DCC: variants seen among roughly 807,000 people sequenced by gnomAD.
DCC encodes the protein netrin receptor DCC.
DCC carries 58 observed loss-of-function variants against 172.5 expected under a neutral mutation model. The observed-to-expected ratio is 0.34, with a 90% confidence interval of 0.27 to 0.42. The LOEUF (loss-of-function observed/expected upper bound fraction) is 0.42. DCC is among the 10% of genes least tolerant of loss of function. DCC has a pLI of 1.00. For synonymous variants in DCC, 709 were observed against 644.5 expected, an observed-to-expected ratio of 1.10 and a Z score of -1.52; for missense variants, 1,740 against 1,791.0, an observed-to-expected ratio of 0.97 and a Z score of 0.51.
chr18:53,421,822 C>G (rs1427071458), intron 21 of DCC, among the ~76,000 whole-genome samples: 1 of 152,178 alleles, frequency 6.6e-6, no homozygotes, highest in Non-Finnish European at 1.5e-5. Flanking sequence ...AGAATAAAAA[C>G]TCAGGCATAA....
chr18:53,021,270 C>A (rs7504750), intron 5 of DCC, among the ~76,000 whole-genome samples: 110,253 of 152,024 alleles, frequency 0.73, 40,125 homozygotes, highest in Non-Finnish European at 0.74. Context: ...CCTCTGAAAT[C>A]TGTGTGGTTT....
intron 1 of DCC, among the ~76,000 whole-genome samples, chr18:52,515,296 C>CA (rs1238316420): frequency 5.9e-5 from 9 of 151,834 alleles, no homozygotes; most frequent in African/African-American, 1.9e-4. Context: ...ATACCTTATA[C>CA]AAAAATGAAC....
chr18:53,284,154 A>G (rs1348018929), intron 12 of DCC, among the ~76,000 whole-genome samples: 2 of 152,172 alleles, frequency 1.3e-5, no homozygotes, highest in Non-Finnish European at 2.9e-5. Context: ...TACCCTGTAC[A>G]GGCTTAGACC....
intron 5 of DCC, among the ~76,000 whole-genome samples, chr18:53,002,666 A>G (rs1241717468): frequency 7.0e-6 from 1 of 142,158 alleles, no homozygotes; most frequent in Non-Finnish European, 1.6e-5. Flanking sequence ...TTATTTATTT[A>G]TTTTATTATA....
intron 7 of DCC, among the ~76,000 whole-genome samples, chr18:53,135,174 G>A (rs2043721411): frequency 6.6e-6 from 1 of 152,098 alleles, no homozygotes; most frequent in African/African-American, 2.4e-5. Context: ...CAGACTGACG[G>A]GAAAACTATG....
intron 1 of DCC, among the ~76,000 whole-genome samples, chr18:52,728,521 G>C (rs182472791): frequency 3.3e-5 from 5 of 152,270 alleles, no homozygotes; most frequent in African/African-American, 1.2e-4. Context: ...AATGCTGAGA[G>C]GTAATGAAAA....
At chr18:52,687,123 A>G (rs1307222863) in intron 1 of DCC, among the ~76,000 whole-genome samples, 1 of 152,104 alleles carries the variant, frequency 6.6e-6, no homozygotes, top group East Asian at 1.9e-4. Flanking sequence ...CTTTAAATGA[A>G]TATACTGCTC....
intron 17 of DCC, among the ~76,000 whole-genome samples, chr18:53,396,427 A>C (rs1174679783): frequency 2.0e-5 from 3 of 152,216 alleles, no homozygotes; most frequent in Non-Finnish European, 4.4e-5. Flanking sequence ...TTCTACTAAA[A>C]TATCTCTAAC....
chr18:53,071,474 A>C (rs759629911), intron 7 of DCC, among the ~76,000 whole-genome samples: 9 of 152,216 alleles, frequency 5.9e-5, no homozygotes, highest in Admixed American at 5.2e-4. Flanking sequence ...AAGTAACATA[A>C]TGCCATACAC....
chr18:53,320,201 T>G (rs2057393682), intron 13 of DCC, among the ~76,000 whole-genome samples: 1 of 150,768 alleles, frequency 6.6e-6, no homozygotes, highest in Non-Finnish European at 1.5e-5. Context: ...GCCTCCCGAG[T>G]AGCTGGGACC....
intron 5 of DCC, among the ~76,000 whole-genome samples, chr18:53,006,957 A>G (rs2041655302): frequency 6.6e-6 from 1 of 152,236 alleles, no homozygotes; most frequent in Non-Finnish European, 1.5e-5. Context: ...GTGTTGTACC[A>G]TCAGAAATGG....
At chr18:52,773,513 TC>T (rs1203773240) in intron 2 of DCC, among the ~76,000 whole-genome samples, 1 of 71,872 alleles carries the variant, frequency 1.4e-5, no homozygotes, top group African/African-American at 3.2e-5. Context: ...TATATCTATA[TC>T]TATCTATTTA....
At chr18:53,367,816 C>T (rs1288319354) in intron 15 of DCC, among the ~76,000 whole-genome samples, 1 of 152,102 alleles carries the variant, frequency 6.6e-6, no homozygotes, top group Non-Finnish European at 1.5e-5. Flanking sequence ...AGCATAAGGG[C>T]CTGAAGATTA....
At chr18:52,402,135 T>A (rs987978717) in intron 1 of DCC, among the ~76,000 whole-genome samples, 2 of 151,974 alleles carry the variant, frequency 1.3e-5, no homozygotes, top group Admixed American at 1.3e-4. Flanking sequence ...TTAGAAATCC[T>A]TTTAGTTTTG....
intron 17 of DCC, 103 bp from the exon 18 acceptor site, chr18:53,397,205 G>T: frequency 9.3e-7 from 1 of 1,073,568 alleles, no homozygotes; most frequent in Non-Finnish European, 1.4e-6. Flanking sequence ...TTTGGGAGTA[G>T]ATTACTTTTG....
At chr18:52,474,230 GAGAGAGAGAGAGAA>G (rs1162526975) in intron 1 of DCC, among the ~76,000 whole-genome samples, 53 of 129,478 alleles carry the variant, frequency 4.1e-4, no homozygotes, top group South Asian at 2.2e-3. Flanking sequence ...GAGAGAGAGA[GAGAGAGAGAGAGAA>G]AGAGAGAGAA....
At chr18:52,544,601 C>T (rs1209739388) in intron 1 of DCC, among the ~76,000 whole-genome samples, 5 of 152,132 alleles carry the variant, frequency 3.3e-5, no homozygotes, top group Admixed American at 1.3e-4. Context: ...AGTTCTTGCT[C>T]TCCTCTGCTA....
chr18:53,316,085 A>G (rs1443015962), intron 13 of DCC, among the ~76,000 whole-genome samples: 1 of 152,152 alleles, frequency 6.6e-6, no homozygotes, highest in African/African-American at 2.4e-5. Flanking sequence ...TTATGGTTTT[A>G]GGTCTTACAT....
chr18:53,066,377 A>G lies in DCC; in HGVS notation c.1261+211A>G, dbSNP rs376858075. 7.5e-4 allele frequency among the ~76,000 whole-genome samples: 47 copies of G among 62,348 alleles called. 1 individual carries two copies. The highest frequency in any genetic ancestry group is 3.6e-3 in the African/African-American group (27 of 7,562). 40.9% of individuals were successfully genotyped at this position (62,348 alleles called of 152,430 possible). On this transcript the variant is annotated intron_variant, in intron 7 of 28. Transcript: ENST00000442544. ...TGTATATATATATATATATATATAT[A>G]TATATATATATATATATATATGTGC...
Sources: gnomAD v4.1 joint callset for allele counts (sites outside exome capture counted in the v4.1 genomes callset) on GRCh38, gnomAD v4.1.1 for gene constraint, MANE v1.5 for transcripts, NCBI Gene and HGNC (gene_info 2026-07-23, HGNC 2026-07-21) for gene names.